The following CACNA1A variants were observed in gnomAD, a reference collection of about 807,000 sequenced individuals.
CACNA1A encodes the protein voltage-dependent P/Q-type calcium channel subunit alpha-1A.
A neutral mutation model predicts 262.4 loss-of-function variants in CACNA1A; 57 were observed. The observed-to-expected ratio is 0.22, with a 90% CI of 0.18 to 0.27. The LOEUF (loss-of-function observed/expected upper bound fraction) is 0.27. Among genes scored for constraint, CACNA1A ranks in the 10% least tolerant of loss-of-function variants. The pLI, the probability that CACNA1A is intolerant of heterozygous loss-of-function variation, is 1.00. For missense variants in CACNA1A, 2,526 were observed against 3,562.8 expected (o/e 0.71, Z 7.41); for synonymous variants, 1,431 against 1,419.3 (o/e 1.01, Z -0.18).
At chr19:13,216,764 G>A (rs1484171591) in intron 38 of CACNA1A, among the ~76,000 whole-genome samples, 1 of 151,994 alleles carries the variant, frequency 6.6e-6, no homozygotes, top group Admixed American at 6.6e-5. Flanking sequence ...TTTGTTCACC[G>A]AAGCCTTGAG....
At chr19:13,218,534 T>C (rs1444184377) in intron 38 of CACNA1A, among the ~76,000 whole-genome samples, 1 of 152,178 alleles carries the variant, frequency 6.6e-6, no homozygotes, top group Non-Finnish European at 1.5e-5. Flanking sequence ...TGGTGTCTCC[T>C]GGACCCTTCC....
intron 10 of CACNA1A, among the ~76,000 whole-genome samples, chr19:13,319,819 C>T (rs949996455): frequency 1.3e-5 from 2 of 152,118 alleles, no homozygotes; most frequent in Non-Finnish European, 2.9e-5. Context: ...TGCTCAGAGC[C>T]CTAGGAAGTA....
At position 13,261,445 on chromosome 19, in the gene CACNA1A, C is replaced by G; in HGVS notation, c.4250+5G>C. On this transcript the variant is annotated splice_donor_5th_base_variant and intron_variant, in intron 26 of 46. Transcript: ENST00000360228. The stretch of plus-strand genomic sequence containing the variant: ...ATGGGAATGTGCTGGAAAGTGGAGA[C>G]CCACCGACAATCTTTCTCAAACTCT... The G allele has an allele frequency of 6.4e-7, 1 of 1,564,624 alleles. No homozygotes were observed. Among genetic ancestry groups the G allele is most frequent in the Non-Finnish European group, 8.7e-7 (1 of 1,153,928 alleles).
intron 3 of CACNA1A, among the ~76,000 whole-genome samples, chr19:13,398,307 G>A (rs115497520): frequency 1.1e-3 from 168 of 152,006 alleles, no homozygotes; most frequent in African/African-American, 4.0e-3. Flanking sequence ...CTTTATCTGT[G>A]CAAGAACGAA....
At position 13,299,251 on chromosome 19, in the gene CACNA1A, A is replaced by G. The variant is rs1299468325; in HGVS notation, c.2382T>C (p.Tyr794=). 2 of 1,608,268 alleles carry G rather than the reference A, an allele frequency of 1.2e-6. No homozygotes were observed. Among genetic ancestry groups the G allele is most frequent in the Admixed American group, 1.7e-5 (1 of 59,998 alleles). The part of the protein sequence containing the change: ...QNLLASREAL[Y]NEMDPDERWK... The stretch of plus-strand genomic sequence containing the variant: ...AGCGCTCGTCCGGGTCCATTTCGTT[A>G]TACAGGGCCTCCCGGCTGGCCAGCA... The change falls in exon 19 of 47, where the codon TAT becomes TAC. Residue 794 remains tyrosine, a synonymous_variant. Coordinates refer to ENST00000360228, the MANE Select transcript of CACNA1A (RefSeq NM_001127222.2).
chr19:13,442,695 T>C (rs989985399), intron 3 of CACNA1A, among the ~76,000 whole-genome samples: 1 of 152,188 alleles, frequency 6.6e-6, no homozygotes, highest in African/African-American at 2.4e-5. Flanking sequence ...CTCACTGTCA[T>C]AGAGGGAGGA....
chr19:13,344,956 G>A (rs536419853), intron 6 of CACNA1A, among the ~76,000 whole-genome samples: 3 of 151,778 alleles, frequency 2.0e-5, no homozygotes, highest in East Asian at 1.9e-4. Flanking sequence ...ATGGGGTTTC[G>A]CCATGTTGGC....
At chr19:13,297,831 A>AT (rs367899263) in intron 19 of CACNA1A, among the ~76,000 whole-genome samples, 1,679 of 144,076 alleles carry the variant, frequency 0.012, 18 homozygotes, top group Middle Eastern at 0.021. Flanking sequence ...AACATACAGC[A>AT]TTTTTTTTTT....
intron 24 of CACNA1A, 107 bp downstream of exon 24, chr19:13,275,741 CCA>C (rs1200045797): frequency 1.3e-6 from 1 of 768,466 alleles, no homozygotes; most frequent in African/African-American, 1.7e-5. Context: ...TCCCCGGAGC[CCA>C]CACACCCCAT....
At chr19:13,309,615 C>T (rs2057976415) in intron 12 of CACNA1A, among the ~76,000 whole-genome samples, 1 of 151,838 alleles carries the variant, frequency 6.6e-6, no homozygotes, top group African/African-American at 2.4e-5. Flanking sequence ...ATAGCTTGAG[C>T]CTAGGAATTT....
At chr19:13,405,043 C>A (rs1314254444) in intron 3 of CACNA1A, among the ~76,000 whole-genome samples, 1 of 151,216 alleles carries the variant, frequency 6.6e-6, no homozygotes, top group Non-Finnish European at 1.5e-5. Flanking sequence ...ATTACAGGCA[C>A]CCCGCCACCA....
intron 10 of CACNA1A, among the ~76,000 whole-genome samples, chr19:13,322,782 G>C (rs1210459151): frequency 6.6e-6 from 1 of 152,056 alleles, no homozygotes; most frequent in Non-Finnish European, 1.5e-5. Flanking sequence ...TTTTAGTAGA[G>C]ATGGGGTTTC....
chr19:13,213,596 A>T (rs1271946223), intron 40 of CACNA1A: 2 of 151,766 alleles, frequency 1.3e-5, no homozygotes, highest in African/African-American at 4.9e-5. Context: ...AGCGCCCTGC[A>T]CACAGTAATA....
chr19:13,475,531 T>C (rs192531356), intron 1 of CACNA1A, among the ~76,000 whole-genome samples: 1 of 152,000 alleles, frequency 6.6e-6, no homozygotes, highest in East Asian at 1.9e-4. Flanking sequence ...TTCAGGGAGG[T>C]GGGGAAAATG....
chr19:13,318,040 T>C (rs1345435326), intron 10 of CACNA1A, among the ~76,000 whole-genome samples: 3 of 152,156 alleles, frequency 2.0e-5, no homozygotes, highest in African/African-American at 7.2e-5. Flanking sequence ...CCCAGTACTT[T>C]GGGAAGCTGG....
chr19:13,498,635 C>T (rs139416727), intron 1 of CACNA1A, among the ~76,000 whole-genome samples: 3 of 152,344 alleles, frequency 2.0e-5, no homozygotes, highest in African/African-American at 7.2e-5. Flanking sequence ...CCGGACTTAA[C>T]TCAGGCATTT....
chr19:13,216,039 C>T (rs1432375567), intron 38 of CACNA1A, among the ~76,000 whole-genome samples: 3 of 152,162 alleles, frequency 2.0e-5, no homozygotes, highest in African/African-American at 4.8e-5. Flanking sequence ...CCACCTCAGC[C>T]TCCCAAAGTG....
At chr19:13,330,401 C>T (rs1353420307) in intron 9 of CACNA1A, 68 bp from the exon 10 acceptor site, 6 of 1,111,690 alleles carry the variant, frequency 5.4e-6, no homozygotes, top group Non-Finnish European at 6.7e-6. Context: ...CATATGGACA[C>T]AGTGTGTCCT....
At position 13,224,699 on chromosome 19, in the gene CACNA1A, A is replaced by C; in HGVS notation, c.5699T>G (p.Ile1900Ser). 6.2e-7 allele frequency: 1 copy of C among 1,612,544 alleles called. No homozygotes were observed. Among genetic ancestry groups the C allele is most frequent in the Non-Finnish European group, 8.5e-7 (1 of 1,179,290 alleles). The change falls in exon 38 of 47, where the codon ATC becomes AGC. Residue 1900 changes from isoleucine to serine, a missense_variant. Around this residue, in one of 17 missense-constraint regions of CACNA1A, gnomAD observed 112 missense variants for 197.2 expected, o/e 0.57. Transcript: ENST00000360228. The part of the protein sequence containing the change: ...VHFNSTLMAL[I>S]RTALDIKIAK... The stretch of plus-strand genomic sequence containing the variant: ...AATCTTGATGTCCAGGGCTGTGCGG[A>C]TCAGAGCCATGAGGGTGGAATTGAA...
Sources: allele counts gnomAD v4.1 joint callset (sites outside exome capture counted in the v4.1 genomes callset), GRCh38; gene constraint gnomAD v4.1.1; regional missense constraint gnomAD v4.1.1; transcripts MANE v1.5; gene names NCBI Gene and HGNC (gene_info 2026-07-23, HGNC 2026-07-21).